The following MEGF6 variants were observed in gnomAD, a reference collection of about 807,000 sequenced individuals.
The protein encoded by MEGF6 is multiple EGF like domains 6, also known as multiple epidermal growth factor-like domains protein 6.
MEGF6 carries 184 observed loss-of-function variants against 207.1 expected under a neutral mutation model. That is an observed-to-expected ratio of 0.89 (90% CI 0.79 to 1.00). MEGF6 has a LOEUF of 1.00. Among genes scored for constraint, MEGF6 ranks in the 50% least tolerant of loss-of-function variants. The pLI is 0.00. For synonymous variants in MEGF6, 1,038 were observed against 910.0 expected, an observed-to-expected ratio of 1.14 and a Z score of -2.53; for missense variants, 2,282 against 2,202.9, an observed-to-expected ratio of 1.04 and a Z score of -0.72.
chr1:3,611,541 C>T (rs1644327156), upstream of MEGF6: 2 of 333,200 alleles, frequency 6.0e-6, no homozygotes, highest in Non-Finnish European at 1.1e-5. Flanking sequence ...AGCCGCCACG[C>T]CCCCGGCCCG....
At chr1:3,589,523 C>T (rs10909979) in intron 3 of MEGF6, among the ~76,000 whole-genome samples, 34,299 of 152,062 alleles carry the variant, frequency 0.23, 4,117 homozygotes, top group African/African-American at 0.3. Context: ...AGGAGCCTTC[C>T]TGGACCCCCA....
At chr1:3,533,503 G>A (rs1394160624) in intron 4 of MEGF6, among the ~76,000 whole-genome samples, 1 of 152,218 alleles carries the variant, frequency 6.6e-6, no homozygotes, top group Non-Finnish European at 1.5e-5. Context: ...ACAGAAGCTC[G>A]AGGGTCCCGC....
chr1:3,497,723 G>A, intron 26 of MEGF6: 1 of 408,196 alleles, frequency 2.4e-6, no homozygotes, highest in South Asian at 2.0e-5. Flanking sequence ...TCAGCACTGA[G>A]GCGACGGGAG....
Position 3,538,906 on chromosome 1 carries a change from AT to A in MEGF6, c.482-14661del, listed in dbSNP as rs1642417894. ...CCGGGGCCCAGACTCTTGCTGGGAC[AT>A]CAGAGCTGCCAGGGGAGCGGAGAAT... On this transcript the variant is annotated intron_variant, in intron 4 of 36. Coordinates refer to ENST00000356575, the MANE Select transcript of MEGF6 (RefSeq NM_001409.4). Among the ~76,000 whole-genome samples the A allele has an allele frequency of 2.6e-5, 4 of 152,306 alleles. No homozygotes were observed. The South Asian group carries it at 8.3e-4, about 32-fold the overall frequency.
rs1640480114 is a variant in MEGF6 at position 3,493,828 on chromosome 1, G to A, written c.4330C>T (p.Pro1444Ser). 4 of 1,607,788 alleles carry A rather than the reference G, an allele frequency of 2.5e-6. No individual in the cohort carries two copies. In the African/African-American group the frequency reaches 5.3e-5, roughly 22 times the overall value. The stretch of plus-strand genomic sequence containing the variant: ...GGGCAAAGGCAGAGACCGGTGACAG[G>A]GTCACAGGGTGCCCCCCCGTCACAG... ...CDCDGGAPCD[P>S]VTGLCLCPPG... The change falls in exon 34 of 37, where the codon CCT becomes TCT. Residue 1444 changes from proline to serine, a missense_variant. Pro to Ser is a moderately conservative substitution (Grantham distance 74). Transcript: ENST00000356575.
chr1:3,530,674 AG>A (rs1387222400), intron 4 of MEGF6, among the ~76,000 whole-genome samples: 2 of 152,170 alleles, frequency 1.3e-5, no homozygotes, highest in African/African-American at 4.8e-5. Context: ...AGGACCCCAA[AG>A]GGGCTGAGCT....
rs914711897 is a variant in MEGF6, at chr1:3,581,026, C to T, written c.377-1097G>A. Among the ~76,000 whole-genome samples, 4 of 152,258 alleles carry T rather than the reference C, an allele frequency of 2.6e-5. No individual in the cohort carries two copies. The South Asian group carries it at 6.2e-4, about 24-fold the overall frequency. On this transcript the variant is annotated intron_variant, in intron 3 of 36. Transcript: ENST00000356575. ...AGAGGAAGAAGGACACTCAGGCACT[C>T]GTCGTCTAAGCAGCCCCAGACCAGG...
chr1:3,543,286 C>T (rs906591737), intron 4 of MEGF6, among the ~76,000 whole-genome samples: 2 of 152,142 alleles, frequency 1.3e-5, no homozygotes, highest in East Asian at 1.9e-4. Flanking sequence ...GCACACACTG[C>T]CCTGCCAGGG....
At chr1:3,523,077 G>T (rs1001727146) in intron 5 of MEGF6, among the ~76,000 whole-genome samples, 6 of 146,916 alleles carry the variant, frequency 4.1e-5, no homozygotes, top group South Asian at 4.2e-4. Context: ...TGTGTGCCGG[G>T]GGGGGGGCCC....
intron 4 of MEGF6, among the ~76,000 whole-genome samples, chr1:3,537,549 CG>C (rs1642370415): frequency 6.6e-6 from 1 of 152,196 alleles, no homozygotes; most frequent in African/African-American, 2.4e-5. Context: ...AACGAGTGGC[CG>C]GGGGGCACCG....
In MEGF6 at chr1:3,501,837, C is replaced by T; in HGVS notation, c.2273G>A (p.Cys758Tyr). Reference protein sequence around the residue: ...GAPCHGVTGQCRCPPGRTGED... With the variant: ...GAPCHGVTGQYRCPPGRTGED... ...CCCAGTCCTCCCCGGCGGACACCGG[C>T]ACTGCCCCGTGACCCCGTGGCAGGG... Residue 758 changes from cysteine to tyrosine, a missense_variant, in exon 18 of 37, where the codon TGC becomes TAC. Physicochemically the swap from Cys to Tyr is radical, Grantham distance 194. Coordinates refer to ENST00000356575, the MANE Select transcript of MEGF6 (RefSeq NM_001409.4). 1 of 1,608,420 alleles carries T rather than the reference C, an allele frequency of 6.2e-7. No homozygotes were observed. The highest frequency in any genetic ancestry group is 8.5e-7 in the Non-Finnish European group (1 of 1,178,554).
Position 3,506,238 on chromosome 1 carries a change from TG to T in MEGF6, c.1790-3del. On this transcript the variant is annotated splice_polypyrimidine_tract_variant and splice_region_variant and intron_variant, in intron 14 of 36. Transcript: ENST00000356575. ...TGCCATAGTAGCCCTTGGGGCAGCC[TG>T]GGGGCAGCGGGGCTCCATGTGAACC... The T allele has an allele frequency of 6.2e-7, 1 of 1,608,660 alleles. No individual in the cohort carries two copies. Among genetic ancestry groups the T allele is most frequent in the Non-Finnish European group, 8.5e-7 (1 of 1,178,268 alleles).
intron 4 of MEGF6, among the ~76,000 whole-genome samples, chr1:3,574,803 T>A (rs1557787428): frequency 6.6e-6 from 1 of 152,116 alleles, no homozygotes; most frequent in Non-Finnish European, 1.5e-5. Flanking sequence ...CCACCACACC[T>A]GGCTAATTTT....
In MEGF6 at chr1:3,594,329, T is replaced by A. The variant is rs1015871247; in HGVS notation, c.376+1009A>T. On this transcript the variant is annotated intron_variant, in intron 3 of 36. Coordinates refer to ENST00000356575, the MANE Select transcript of MEGF6 (RefSeq NM_001409.4). The surrounding 1 kb of genome is among the most constrained non-coding windows in gnomAD (Gnocchi z 4.2). ...CTACAGTCTCAGCCACTCGGGAGGC[T>A]GAGGTGGGAGGATTGCTTGAGTCCA... 4.6e-5 allele frequency among the ~76,000 whole-genome samples: 7 copies of A among 152,194 alleles called. No individual in the cohort carries two copies. Among genetic ancestry groups the A allele is most frequent in the Non-Finnish European group, 1.5e-5 (1 of 68,030 alleles).
At chr1:3,500,824 C>A in intron 20 of MEGF6, 60 bp from the exon 21 acceptor site, 1 of 1,593,716 alleles carries the variant, frequency 6.3e-7, no homozygotes, top group South Asian at 1.1e-5. Context: ...GGCACCACAG[C>A]CGAGTCAGGC....
intron 4 of MEGF6, among the ~76,000 whole-genome samples, chr1:3,570,605 C>T (rs78130504): frequency 0.021 from 3,173 of 152,262 alleles, 103 homozygotes; most frequent in African/African-American, 0.071. Context: ...GGGGCACACC[C>T]GCTGCTCCAG....
In MEGF6 at chr1:3,560,406, A is replaced by C. The variant is rs1643164121; in HGVS notation, c.481+19419T>G. 6.6e-6 allele frequency among the ~76,000 whole-genome samples: 1 copy of C among 152,146 alleles called. No individual in the cohort carries two copies. The highest frequency in any genetic ancestry group is 1.5e-5 in the Non-Finnish European group (1 of 68,028). On this transcript the variant is annotated intron_variant, in intron 4 of 36. Transcript: ENST00000356575. This position sits in a 1 kb window ranked among gnomAD's most constrained non-coding sequence, Gnocchi z 4.0. ...CTCATGGCCTGGATCCACCATTGTA[A>C]GATCACGCAGAGGAGTTCCTGCCCT...
At chr1:3,543,367 G>C (rs1377245633) in intron 4 of MEGF6, among the ~76,000 whole-genome samples, 1 of 152,238 alleles carries the variant, frequency 6.6e-6, no homozygotes, top group Non-Finnish European at 1.5e-5. Context: ...CCCTGCGTTC[G>C]TGCTCACTCT....
At chr1:3,587,346 C>T (rs1643906890) in intron 3 of MEGF6, among the ~76,000 whole-genome samples, 1 of 152,254 alleles carries the variant, frequency 6.6e-6, no homozygotes, top group Non-Finnish European at 1.5e-5. Flanking sequence ...ACGGAGGCCG[C>T]CAGGGCCAGA....
Sources: gnomAD v4.1 joint callset for allele counts (sites outside exome capture counted in the v4.1 genomes callset) on GRCh38, gnomAD v4.1.1 for gene constraint, Gnocchi (gnomAD v3.1) non-coding constraint, MANE v1.5 for transcripts, NCBI Gene and HGNC (gene_info 2026-07-23, HGNC 2026-07-21) for gene names.